Variants in SLMAP observed in about 807,000 individuals in gnomAD.
The protein encoded by SLMAP is sarcolemma associated protein, also known as sarcolemmal membrane-associated protein.
A neutral mutation model predicts 128.8 loss-of-function variants in SLMAP; 44 were observed. That is an observed-to-expected ratio of 0.34 (90% confidence interval 0.27 to 0.44). The LOEUF is 0.44. Ranked by LOEUF, SLMAP falls within the 20% of genes least tolerant of loss-of-function variation. The probability of loss-of-function intolerance (pLI) is 1.00; values close to 1 mark genes in which losing one functional copy is unlikely to be tolerated. For missense variants in SLMAP, 787 were observed against 985.3 expected (o/e 0.80, Z 2.69); for synonymous variants, 327 against 348.8 (o/e 0.94, Z 0.70).
At chr3:57,841,180 T>G in intron 3 of SLMAP, 119 bp from the exon 4 acceptor site, 1 of 565,836 alleles carries the variant, frequency 1.8e-6, no homozygotes, top group Non-Finnish European at 3.0e-6. Context: ...ACCACTAGCT[T>G]TATTTTCTTT....
chr3:57,806,019 G>GT (rs112175858), intron 2 of SLMAP, among the ~76,000 whole-genome samples: 1,591 of 146,278 alleles, frequency 0.011, 29 homozygotes, highest in African/African-American at 0.037. Flanking sequence ...GTAAAACAGG[G>GT]TTTTTTTTTT....
intron 17 of SLMAP, among the ~76,000 whole-genome samples, chr3:57,906,300 C>CTTTCTTTTTTTTTTTTT (rs1559511938): frequency 1.4e-5 from 1 of 71,290 alleles, no homozygotes; most frequent in Non-Finnish European, 2.8e-5. Flanking sequence ...AAATTTTTTT[C>CTTTCTTTTTTTTTTTTT]TTTTTTTTTC....
intron 2 of SLMAP, among the ~76,000 whole-genome samples, chr3:57,802,202 A>G (rs1380649567): frequency 6.6e-6 from 1 of 152,114 alleles, no homozygotes; most frequent in Non-Finnish European, 1.5e-5. Context: ...TCACTCCCAA[A>G]AAAATTCCCT....
intron 2 of SLMAP, among the ~76,000 whole-genome samples, chr3:57,812,651 T>C (rs1044673813): frequency 1.3e-5 from 2 of 152,198 alleles, no homozygotes; most frequent in African/African-American, 4.8e-5. Flanking sequence ...TTGATTGCTT[T>C]GGGTATTATT....
chr3:57,813,877 C>T (rs1576924524), intron 2 of SLMAP, among the ~76,000 whole-genome samples: 1 of 152,064 alleles, frequency 6.6e-6, no homozygotes, highest in Non-Finnish European at 1.5e-5. Flanking sequence ...TTATATTAAA[C>T]ATCTTGTTAG....
intron 2 of SLMAP, among the ~76,000 whole-genome samples, chr3:57,805,842 T>C (rs1399958363): frequency 6.6e-6 from 1 of 152,042 alleles, no homozygotes; most frequent in Non-Finnish European, 1.5e-5. Context: ...AACCCCACAC[T>C]ATGTTGTGTC....
intron 2 of SLMAP, among the ~76,000 whole-genome samples, chr3:57,772,218 A>G (rs961449988): frequency 2.0e-5 from 3 of 152,216 alleles, no homozygotes; most frequent in Non-Finnish European, 4.4e-5. Flanking sequence ...TCCTTGGTGT[A>G]TATGTCCTTG....
chr3:57,895,547 G>A (rs926323617), intron 15 of SLMAP, among the ~76,000 whole-genome samples: 1 of 152,062 alleles, frequency 6.6e-6, no homozygotes, highest in African/African-American at 2.4e-5. Flanking sequence ...TCTTGGCCAT[G>A]CTGGTCTTGA....
intron 2 of SLMAP, among the ~76,000 whole-genome samples, chr3:57,784,681 G>T (rs1228085676): frequency 6.6e-6 from 1 of 152,164 alleles, no homozygotes; most frequent in East Asian, 1.9e-4. Context: ...TTTGCATTTT[G>T]CATTGTGAGA....
chr3:57,922,425 C>CTTTTT (rs72397483), intron 22 of SLMAP, among the ~76,000 whole-genome samples: 33 of 124,992 alleles, frequency 2.6e-4, no homozygotes, highest in African/African-American at 3.2e-4. Flanking sequence ...AAAGGCTTTT[C>CTTTTT]TTTTTTTTTT....
Position 57,928,193 on chromosome 3 carries a change from C to T in SLMAP, c.*904C>T, listed in dbSNP as rs2097037150. ...TCAATTGGAATGTAATTTATTAAAC[C>T]ATGTATTTAAAGAGATATTTTTCTT... On this transcript the variant is annotated 3_prime_UTR_variant, in exon 25 of 25. Coordinates refer to ENST00000671191, the MANE Select transcript of SLMAP (RefSeq NM_001377540.1). 1 of 152,462 alleles carries T rather than the reference C, an allele frequency of 6.6e-6. No individual in the cohort carries two copies. The highest frequency in any genetic ancestry group is 1.9e-4 in the East Asian group (1 of 5,204). The allele number at this position is 152,462 out of a possible 1,614,324, so 9.4% of individuals were successfully genotyped here.
chr3:57,852,683 A>C (rs1447963813), intron 6 of SLMAP, among the ~76,000 whole-genome samples: 1 of 152,216 alleles, frequency 6.6e-6, no homozygotes, highest in Non-Finnish European at 1.5e-5. Context: ...AGATTAATGT[A>C]GTTTAAACCT....
At chr3:57,838,958 G>GTTGT (rs906118621) in intron 3 of SLMAP, among the ~76,000 whole-genome samples, 1 of 151,890 alleles carries the variant, frequency 6.6e-6, no homozygotes, top group South Asian at 2.1e-4. Context: ...GTTTTTTATT[G>GTTGT]TTGTTTGTTT....
chr3:57,877,802 A>G (rs749933089), intron 14 of SLMAP, among the ~76,000 whole-genome samples: 5 of 119,598 alleles, frequency 4.2e-5, no homozygotes, highest in South Asian at 2.8e-4. Flanking sequence ...TTTTCAGTCT[A>G]TCTTTGAATT....
intron 14 of SLMAP, among the ~76,000 whole-genome samples, chr3:57,882,678 G>C (rs2095778581): frequency 6.6e-6 from 1 of 152,166 alleles, no homozygotes; most frequent in South Asian, 2.1e-4. Context: ...ACAGGCAGCA[G>C]GTTGGATTTG....
chr3:57,884,521 T>A (rs990970062), intron 14 of SLMAP, among the ~76,000 whole-genome samples: 2 of 152,212 alleles, frequency 1.3e-5, no homozygotes, highest in South Asian at 4.1e-4. Flanking sequence ...TTGATACTGA[T>A]ATTTAAACTG....
At chr3:57,786,581 G>A (rs541053006) in intron 2 of SLMAP, among the ~76,000 whole-genome samples, 4 of 138,082 alleles carry the variant, frequency 2.9e-5, no homozygotes, top group South Asian at 4.6e-4. Context: ...TTTAAAGACA[G>A]AGTCTCACTC....
At chr3:57,902,927 T>G (rs1490482120) in intron 17 of SLMAP, among the ~76,000 whole-genome samples, 1 of 152,176 alleles carries the variant, frequency 6.6e-6, no homozygotes, top group African/African-American at 2.4e-5. Flanking sequence ...CCCTAGGAAC[T>G]GGAGATGCAG....
Position 57,801,262 on chromosome 3 carries a change from G to A in SLMAP, c.199-30121G>A, listed in dbSNP as rs576018501. On this transcript the variant is annotated intron_variant, in intron 2 of 24. Transcript: ENST00000671191. ...ATAGCAAATCTGTATAAACAGAAAG[G>A]TCCATTTTTAAATTCCATTTGATGA... The A allele has an allele frequency of 1.7e-3, 254 of 152,490 alleles. 1 individual carries two copies. The highest frequency in any genetic ancestry group is 5.8e-3 in the African/African-American group (243 of 41,550). The allele number at this position is 152,490 out of a possible 1,614,324, so 9.4% of individuals were successfully genotyped here.
Sources: gnomAD v4.1 joint callset for allele counts (sites outside exome capture counted in the v4.1 genomes callset) on GRCh38, gnomAD v4.1.1 for gene constraint, MANE v1.5 for transcripts, NCBI Gene and HGNC (gene_info 2026-07-23, HGNC 2026-07-21) for gene names.